SEL1L2: variants seen among roughly 807,000 people sequenced by gnomAD.
SEL1L2 encodes the protein protein sel-1 homolog 2.
In SEL1L2, 89 loss-of-function variants were observed where a neutral mutation model predicts 98.8. The observed-to-expected ratio is 0.90, with a 90% CI of 0.76 to 1.07. The LOEUF (loss-of-function observed/expected upper bound fraction) is 1.07. Ranked by LOEUF, SEL1L2 falls within the 50% of genes least tolerant of loss-of-function variation. The pLI, the probability that SEL1L2 is intolerant of heterozygous loss-of-function variation, is 0.00. For synonymous variants in SEL1L2, 262 were observed against 278.5 expected (o/e 0.94, Z 0.59); for missense variants, 788 against 812.0 (o/e 0.97, Z 0.36).
chr20:13,878,893 G>C lies in SEL1L2; in HGVS notation c.958-1305C>G, dbSNP rs905392541. On this transcript the variant is annotated intron_variant, in intron 10 of 19. Coordinates refer to ENST00000284951, the MANE Select transcript of SEL1L2 (RefSeq NM_025229.2). ...AACAGCAGTGAGATAGTAGGTAATAGGTGGTATAAAAGAAACTCCATAAGG... is the reference window on the plus strand; with the variant it reads ...AACAGCAGTGAGATAGTAGGTAATACGTGGTATAAAAGAAACTCCATAAGG... Among the ~76,000 whole-genome samples, 6 of 152,190 alleles carry C rather than the reference G, an allele frequency of 3.9e-5. No homozygotes were observed. In the East Asian group the frequency reaches 7.7e-4, roughly 19 times the overall value.
chr20:13,947,922 G>C (rs1051014322), intron 2 of SEL1L2, among the ~76,000 whole-genome samples: 4 of 152,210 alleles, frequency 2.6e-5, no homozygotes, highest in African/African-American at 9.6e-5. Flanking sequence ...ACTGGACCCC[G>C]TGCTCACTCA....
At chr20:13,982,895 G>A (rs1262235206) in intron 1 of SEL1L2, among the ~76,000 whole-genome samples, 2 of 151,130 alleles carry the variant, frequency 1.3e-5, no homozygotes, top group Admixed American at 6.6e-5. Flanking sequence ...GTGGTGGTGA[G>A]CACCTGTAGT....
chr20:13,908,117 T>C (rs2048053105), intron 5 of SEL1L2, among the ~76,000 whole-genome samples: 1 of 112,606 alleles, frequency 8.9e-6, no homozygotes, highest in Non-Finnish European at 1.8e-5. Flanking sequence ...TTTTTTTTTT[T>C]TTTTTTTTTT....
chr20:13,942,232 T>G (rs1404356782), intron 2 of SEL1L2, among the ~76,000 whole-genome samples: 1 of 152,188 alleles, frequency 6.6e-6, no homozygotes, highest in African/African-American at 2.4e-5. Context: ...GAGAAATGAA[T>G]TTCTACTTTT....
At position 13,866,804 on chromosome 20, in the gene SEL1L2, A is replaced by G. The variant is rs1398161441; in HGVS notation, c.1302T>C (p.Phe434=). The G allele has an allele frequency of 6.2e-7, 1 of 1,613,112 alleles. No individual in the cohort carries two copies. The highest frequency in any genetic ancestry group is 1.7e-5 in the Admixed American group (1 of 59,852). ...WKDYKLAFKY[F]YLASQSGQPL... ...GCTGCCCACTCTGAGATGCCAGGTA[A>G]AAATATTTGAAGGCAAGTTTATAAT... Residue 434 remains phenylalanine (F), a synonymous_variant, in exon 15 of 20, where the codon TTT becomes TTC. Transcript: ENST00000284951.
At chr20:13,932,530 C>T (rs2049196605) in intron 2 of SEL1L2, among the ~76,000 whole-genome samples, 1 of 151,938 alleles carries the variant, frequency 6.6e-6, no homozygotes, top group South Asian at 2.1e-4. Flanking sequence ...CTCCCGGGAT[C>T]AAGTGATTGT....
chr20:13,901,477 T>C (rs2148093855), intron 5 of SEL1L2, among the ~76,000 whole-genome samples: 1 of 152,332 alleles, frequency 6.6e-6, no homozygotes, highest in Non-Finnish European at 1.5e-5. Context: ...ATTGAGTGCT[T>C]AATATGTTAT....
At chr20:13,939,739 T>G (rs1187141105) in intron 2 of SEL1L2, among the ~76,000 whole-genome samples, 1 of 148,672 alleles carries the variant, frequency 6.7e-6, no homozygotes, top group Non-Finnish European at 1.5e-5. Flanking sequence ...TGGTCTCAGC[T>G]CACTGTAACC....
chr20:13,909,637 G>A (rs1471797314), intron 5 of SEL1L2, among the ~76,000 whole-genome samples: 2 of 152,072 alleles, frequency 1.3e-5, no homozygotes, highest in Admixed American at 6.6e-5. Flanking sequence ...CATAAGAGAG[G>A]GTCGGGCAGA....
chr20:13,871,511 A>G (rs933486133), intron 12 of SEL1L2, among the ~76,000 whole-genome samples: 1 of 149,682 alleles, frequency 6.7e-6, no homozygotes, highest in Non-Finnish European at 1.5e-5. Flanking sequence ...TGACCACCTG[A>G]CTTTCTTTTT....
intron 12 of SEL1L2, among the ~76,000 whole-genome samples, chr20:13,870,715 G>C (rs1218856398): frequency 6.6e-6 from 1 of 152,126 alleles, no homozygotes; most frequent in Non-Finnish European, 1.5e-5. Context: ...CTGAGGTCAG[G>C]AGTTCGAGAC....
At chr20:13,870,030 C>T in intron 13 of SEL1L2, 111 bp downstream of exon 13, 2 of 738,144 alleles carry the variant, frequency 2.7e-6, no homozygotes, top group South Asian at 3.7e-5. Flanking sequence ...TCTGATATCA[C>T]AGTTTGGCAA....
intron 1 of SEL1L2, among the ~76,000 whole-genome samples, chr20:13,959,782 T>A (rs545050580): frequency 1.3e-5 from 2 of 152,342 alleles, no homozygotes; most frequent in East Asian, 3.9e-4. Flanking sequence ...ATGTGTTGAT[T>A]GCAATGGTTC....
upstream of SEL1L2, chr20:13,990,660 T>G (rs976238537): frequency 3.9e-5 from 27 of 695,130 alleles, no homozygotes; most frequent in African/African-American, 5.0e-4. Context: ...TTCCTTACTC[T>G]TGGGCCAATG....
intron 5 of SEL1L2, among the ~76,000 whole-genome samples, chr20:13,894,948 C>T (rs1008584038): frequency 6.6e-6 from 1 of 152,172 alleles, no homozygotes; most frequent in African/African-American, 2.4e-5. Flanking sequence ...TCACATTTTC[C>T]AAACTTTCCA....
At chr20:13,976,462 A>C (rs2051544353) in intron 1 of SEL1L2, among the ~76,000 whole-genome samples, 1 of 152,190 alleles carries the variant, frequency 6.6e-6, no homozygotes, top group Admixed American at 6.5e-5. Flanking sequence ...TCGTCTGAAG[A>C]ACAGATTGAG....
chr20:13,863,027 T>A (rs548750337), intron 17 of SEL1L2, among the ~76,000 whole-genome samples: 8 of 152,094 alleles, frequency 5.3e-5, no homozygotes, highest in Non-Finnish European at 1.2e-4. Context: ...AAGACATTAG[T>A]TATCAGGGCT....
chr20:13,858,073 C>T (rs1271894892), intron 18 of SEL1L2, among the ~76,000 whole-genome samples: 2 of 152,164 alleles, frequency 1.3e-5, no homozygotes, highest in African/African-American at 4.8e-5. Flanking sequence ...ATTCTTTCCA[C>T]TGCTTAGGGT....
At chr20:13,937,476 G>A (rs1322221675) in intron 2 of SEL1L2, among the ~76,000 whole-genome samples, 1 of 152,116 alleles carries the variant, frequency 6.6e-6, no homozygotes, top group Non-Finnish European at 1.5e-5. Context: ...AGGTGGTGGG[G>A]GCTGGCTAGC....
Sources: gnomAD v4.1 joint callset for allele counts (sites outside exome capture counted in the v4.1 genomes callset) on GRCh38, gnomAD v4.1.1 for gene constraint, MANE v1.5 for transcripts, NCBI Gene and HGNC (gene_info 2026-07-23, HGNC 2026-07-21) for gene names.